The following KCNH8 variants were observed in gnomAD, a reference collection of about 807,000 sequenced individuals.
KCNH8 encodes voltage-gated delayed rectifier potassium channel KCNH8.
In KCNH8, 70 loss-of-function variants were observed where a neutral mutation model predicts 103.6. The ratio of observed to expected loss-of-function variants is 0.68; its 90% CI spans 0.56 to 0.82. The LOEUF is 0.82. Among genes scored for constraint, KCNH8 ranks in the 40% least tolerant of loss-of-function variants. The probability of loss-of-function intolerance (pLI) is 0.00; values close to 1 mark genes in which losing one functional copy is unlikely to be tolerated. For synonymous variants in KCNH8, 498 were observed against 489.4 expected (o/e 1.02, Z -0.23); for missense variants, 1,217 against 1,329.9 (o/e 0.92, Z 1.32).
At chr3:19,153,652 T>A (rs573979621) in intron 1 of KCNH8, among the ~76,000 whole-genome samples, 78 of 149,704 alleles carry the variant, frequency 5.2e-4, no homozygotes, top group African/African-American at 1.7e-3. Flanking sequence ...TTTTTTTTTT[T>A]AGACGAGTCT....
chr3:19,515,884 G>A (rs1402335496), intron 14 of KCNH8, among the ~76,000 whole-genome samples: 1 of 152,070 alleles, frequency 6.6e-6, no homozygotes, highest in African/African-American at 2.4e-5. Flanking sequence ...GTATAAGCAT[G>A]TTGGAAATGA....
intron 15 of KCNH8, among the ~76,000 whole-genome samples, chr3:19,523,100 G>C (rs1278031093): frequency 6.6e-6 from 1 of 151,770 alleles, no homozygotes; most frequent in Non-Finnish European, 1.5e-5. Context: ...GATATGAGAA[G>C]ACCATTCGTA....
chr3:19,415,256 A>G (rs2066845101), intron 7 of KCNH8, among the ~76,000 whole-genome samples: 2 of 151,980 alleles, frequency 1.3e-5, no homozygotes, highest in Non-Finnish European at 2.9e-5. Context: ...TCACAATTCT[A>G]TGAGCCCAAT....
intron 3 of KCNH8, among the ~76,000 whole-genome samples, chr3:19,333,067 A>T (rs1299792376): frequency 6.6e-6 from 1 of 152,124 alleles, no homozygotes; most frequent in South Asian, 2.1e-4. Flanking sequence ...TATGGTGTCT[A>T]TTGATATCTC....
At position 19,273,734 on chromosome 3, in the gene KCNH8, T is replaced by C. The variant is rs1379314457; in HGVS notation, c.311-7464T>C. ...ACTTAGATACTGTAATCACAAAGCT[T>C]GTATAAGTACATTCTCTTTGTCTCA... is the stretch of plus-strand genomic sequence containing the variant. On this transcript the variant is annotated intron_variant, in intron 2 of 15. Transcript: ENST00000328405. Among the ~76,000 whole-genome samples the C allele has an allele frequency of 3.9e-5, 6 of 152,282 alleles. No individual in the cohort carries two copies. The South Asian group carries it at 6.2e-4, about 16-fold the overall frequency.
At chr3:19,475,135 A>C (rs1289536260) in intron 11 of KCNH8, among the ~76,000 whole-genome samples, 1 of 152,196 alleles carries the variant, frequency 6.6e-6, no homozygotes, top group Non-Finnish European at 1.5e-5. Context: ...GAATTGCACA[A>C]ATTTTTGTAA....
chr3:19,413,561 A>G (rs1189467059), intron 7 of KCNH8, among the ~76,000 whole-genome samples: 1 of 152,068 alleles, frequency 6.6e-6, no homozygotes, highest in Non-Finnish European at 1.5e-5. Context: ...GAAAAAGAAA[A>G]CAAGAGATTA....
At chr3:19,341,018 C>T (rs186902926) in intron 3 of KCNH8, among the ~76,000 whole-genome samples, 77 of 152,206 alleles carry the variant, frequency 5.1e-4, no homozygotes, top group Middle Eastern at 3.4e-3. Context: ...GTTCCCTGTT[C>T]GGCCCTTGAC....
At chr3:19,433,308 GA>G (rs2067150427) in intron 7 of KCNH8, among the ~76,000 whole-genome samples, 1 of 152,108 alleles carries the variant, frequency 6.6e-6, no homozygotes, top group South Asian at 2.1e-4. Flanking sequence ...ATGAGAATGT[GA>G]AAATCTGCCA....
intron 2 of KCNH8, among the ~76,000 whole-genome samples, chr3:19,271,948 A>C (rs767487009): frequency 6.6e-6 from 1 of 152,122 alleles, no homozygotes; most frequent in South Asian, 2.1e-4. Flanking sequence ...AAAAATAATA[A>C]TTCACTGAAA....
At chr3:19,159,798 T>C (rs2063216814) in intron 1 of KCNH8, among the ~76,000 whole-genome samples, 1 of 152,116 alleles carries the variant, frequency 6.6e-6, no homozygotes, top group African/African-American at 2.4e-5. Flanking sequence ...TCTCCTTTCC[T>C]ACAACAACAT....
chr3:19,166,639 A>C (rs192224734), intron 1 of KCNH8, among the ~76,000 whole-genome samples: 3 of 152,348 alleles, frequency 2.0e-5, no homozygotes, highest in African/African-American at 7.2e-5. Context: ...TAAAGGAGGC[A>C]AATTTGATTA....
At chr3:19,469,950 G>A (rs929154339) in intron 11 of KCNH8, among the ~76,000 whole-genome samples, 7 of 152,022 alleles carry the variant, frequency 4.6e-5, no homozygotes, top group Non-Finnish European at 4.4e-5. Context: ...GGAGTCCAAG[G>A]TCATGTTCCC....
chr3:19,414,169 C>A (rs1454527557), intron 7 of KCNH8, among the ~76,000 whole-genome samples: 1 of 152,042 alleles, frequency 6.6e-6, no homozygotes, highest in African/African-American at 2.4e-5. Context: ...AGTCACTCTG[C>A]TAGGCCCAGT....
rs756761762 is a variant in KCNH8 at position 19,533,994 on chromosome 3, C to G, written c.3219C>G (p.Asn1073Lys). The G allele has an allele frequency of 6.2e-7, 1 of 1,614,056 alleles. No individual in the cohort carries two copies. Among genetic ancestry groups the G allele is most frequent in the South Asian group, 1.1e-5 (1 of 91,078 alleles). ...FSLENLPGSW[N>K]QEGMASASTK... ...TGGAAAACTTACCAGGATCTTGGAA[C>G]CAGGAAGGAATGGCATCAGCTTCTA... The change falls in exon 16 of 16, where the codon AAC becomes AAG. Residue 1073 changes from asparagine (N) to lysine (K), a missense_variant. This residue lies in a region of KCNH8 where 558 missense variants were observed against 495.8 expected (regional missense o/e 1.13). Coordinates refer to ENST00000328405, the MANE Select transcript of KCNH8 (RefSeq NM_144633.3).
At chr3:19,245,532 T>A (rs867844084) in intron 1 of KCNH8, among the ~76,000 whole-genome samples, 2 of 152,366 alleles carry the variant, frequency 1.3e-5, no homozygotes, top group Middle Eastern at 6.8e-3. Flanking sequence ...GTGTTGAATC[T>A]GTAAATTCTT....
At chr3:19,393,864 A>G (rs1416739255) in intron 6 of KCNH8, among the ~76,000 whole-genome samples, 2 of 152,100 alleles carry the variant, frequency 1.3e-5, no homozygotes, top group East Asian at 1.9e-4. Context: ...ATTTTGTTGG[A>G]TATCAATTTC....
chr3:19,467,545 A>G (rs1399059759), intron 11 of KCNH8, among the ~76,000 whole-genome samples: 1 of 152,200 alleles, frequency 6.6e-6, no homozygotes, highest in Non-Finnish European at 1.5e-5. Flanking sequence ...ACTCTAATGT[A>G]TGAGTCAACT....
chr3:19,392,693 C>T (rs924802454), intron 6 of KCNH8, among the ~76,000 whole-genome samples: 5 of 151,988 alleles, frequency 3.3e-5, no homozygotes, highest in African/African-American at 7.2e-5. Flanking sequence ...TGGCTCTGCT[C>T]ACAATTGCTC....
Sources: gnomAD v4.1 joint callset for allele counts (sites outside exome capture counted in the v4.1 genomes callset) on GRCh38, gnomAD v4.1.1 for gene constraint, gnomAD v4.1.1 regional missense constraint, MANE v1.5 for transcripts, NCBI Gene and HGNC (gene_info 2026-07-23, HGNC 2026-07-21) for gene names.